The following ATF7IP variants were observed in gnomAD, a reference collection of about 807,000 sequenced individuals.
The protein encoded by ATF7IP is activating transcription factor 7-interacting protein 1.
Under a neutral mutation model 106.4 loss-of-function variants are expected in ATF7IP, and 23 were observed. That is an observed-to-expected ratio of 0.22 (90% CI 0.16 to 0.31). The LOEUF is 0.31. Among genes scored for constraint, ATF7IP ranks in the 10% least tolerant of loss-of-function variants. The pLI is 1.00. For missense variants in ATF7IP, 1,334 were observed against 1,524.3 expected (o/e 0.88, Z 2.08); for synonymous variants, 542 against 539.0 (o/e 1.01, Z -0.08).
At chr12:14,434,069 TTAAG>T (rs761713753) in intron 2 of ATF7IP, among the ~76,000 whole-genome samples, 1 of 152,218 alleles carries the variant, frequency 6.6e-6, no homozygotes, top group Admixed American at 6.5e-5. Context: ...CAGAAAATTA[TTAAG>T]TAATTTTTTT....
At chr12:14,432,147 T>G (rs901752621) in intron 2 of ATF7IP, among the ~76,000 whole-genome samples, 3 of 152,136 alleles carry the variant, frequency 2.0e-5, no homozygotes, top group African/African-American at 7.2e-5. Flanking sequence ...GCAGGCCAGT[T>G]TATTCTGCTG....
At chr12:14,468,639 A>G (rs1179961086) in intron 10 of ATF7IP, among the ~76,000 whole-genome samples, 2 of 152,242 alleles carry the variant, frequency 1.3e-5, no homozygotes, top group African/African-American at 4.8e-5. Flanking sequence ...AAATGCGTAC[A>G]AGCAGTTTGA....
rs937492004 is a variant in ATF7IP, at chr12:14,480,911, T to G, written c.3098-92T>G. 6 of 1,131,118 alleles carry G rather than the reference T, an allele frequency of 5.3e-6. No homozygotes were observed. The African/African-American group carries it at 9.3e-5, about 18-fold the overall frequency. 70.1% of individuals were successfully genotyped at this position (1,131,118 alleles called of 1,614,324 possible). ...TTCTGTTTCTGTCTTTATTAGTTAA[T>G]TAGATTTTATGCAAAGATAACTGCC... On this transcript the variant is annotated intron_variant, in intron 12 of 14. Transcript: ENST00000261168.
At chr12:14,371,871 A>T (rs1359571971) in intron 1 of ATF7IP, among the ~76,000 whole-genome samples, 1 of 152,066 alleles carries the variant, frequency 6.6e-6, no homozygotes, top group East Asian at 1.9e-4. Context: ...TTGGCTGCAT[A>T]CCTTGTTTTT....
chr12:14,382,007 T>C (rs1939023284), intron 1 of ATF7IP, among the ~76,000 whole-genome samples: 1 of 152,150 alleles, frequency 6.6e-6, no homozygotes, highest in African/African-American at 2.4e-5. Flanking sequence ...GAATGCAGCC[T>C]GGGCAACATA....
At chr12:14,404,146 T>C (rs79563029) in intron 1 of ATF7IP, among the ~76,000 whole-genome samples, 2 of 146,392 alleles carry the variant, frequency 1.4e-5, no homozygotes, top group Non-Finnish European at 3.0e-5. Context: ...TTTTTTTTTT[T>C]CCAGTGCTAA....
At chr12:14,496,934 A>G (rs899491206) in intron 14 of ATF7IP, among the ~76,000 whole-genome samples, 3 of 152,208 alleles carry the variant, frequency 2.0e-5, no homozygotes, top group Non-Finnish European at 4.4e-5. Flanking sequence ...AGTTAGAGTC[A>G]TGTTTTTTCA....
chr12:14,381,254 C>G (rs1413894717), intron 1 of ATF7IP, among the ~76,000 whole-genome samples: 4 of 152,144 alleles, frequency 2.6e-5, no homozygotes, highest in African/African-American at 9.7e-5. Context: ...TTTTTTGAGA[C>G]AGAGTCTCAT....
intron 1 of ATF7IP, among the ~76,000 whole-genome samples, chr12:14,408,139 C>CAT (rs1555113751): frequency 6.6e-6 from 1 of 151,686 alleles, no homozygotes; most frequent in African/African-American, 2.4e-5. Flanking sequence ...CACACACACA[C>CAT]ACAAATATAT....
At chr12:14,455,138 G>A (rs114279499) in intron 6 of ATF7IP, among the ~76,000 whole-genome samples, 2,785 of 149,300 alleles carry the variant, frequency 0.019, 88 homozygotes, top group African/African-American at 0.065. Flanking sequence ...AGATGGTGCC[G>A]CAGGATGGTG....
rs766313842 is a variant in ATF7IP at position 14,424,807 on chromosome 12, G to A, written c.892G>A (p.Glu298Lys). The change falls in exon 2 of 15, where the codon GAA becomes AAA. Residue 298 changes from glutamate (E) to lysine (K), a missense_variant. Glu to Lys is a moderately conservative substitution (Grantham distance 56). This residue lies in a region of ATF7IP where 438 missense variants were observed against 405.3 expected (regional missense o/e 1.08). Transcript: ENST00000261168. ...TFEPKSVPVCEPVPEIDNIEP... is the reference protein window; with the variant it reads ...TFEPKSVPVCKPVPEIDNIEP... ...TGAACCAAAGTCTGTACCAGTTTGT[G>A]AACCAGTTCCTGAAATTGACAATAT... The A allele has an allele frequency of 1.2e-6, 2 of 1,614,040 alleles. No homozygotes were observed. Among genetic ancestry groups the A allele is most frequent in the South Asian group, 1.1e-5 (1 of 91,056 alleles).
At chr12:14,376,692 G>GT (rs1197332439) in intron 1 of ATF7IP, among the ~76,000 whole-genome samples, 1 of 152,156 alleles carries the variant, frequency 6.6e-6, no homozygotes, top group African/African-American at 2.4e-5. Flanking sequence ...AGTATTCCTG[G>GT]TTTTTTGGGA....
At chr12:14,474,524 C>A (rs1374756552) in intron 10 of ATF7IP, among the ~76,000 whole-genome samples, 1 of 151,858 alleles carries the variant, frequency 6.6e-6, no homozygotes, top group African/African-American at 2.4e-5. Context: ...CCTCAGCCTC[C>A]CGAGTAGCTG....
At chr12:14,410,781 T>C (rs1480834990) in intron 1 of ATF7IP, among the ~76,000 whole-genome samples, 1 of 152,042 alleles carries the variant, frequency 6.6e-6, no homozygotes, top group Non-Finnish European at 1.5e-5. Context: ...AAAAACATAG[T>C]ATATATAAGG....
At chr12:14,415,801 A>G (rs1342695111) in intron 1 of ATF7IP, among the ~76,000 whole-genome samples, 4 of 151,206 alleles carry the variant, frequency 2.6e-5, no homozygotes, top group South Asian at 4.2e-4. Flanking sequence ...CATAGCCTTT[A>G]TGTTATACTG....
At chr12:14,396,603 G>A (rs1328171186) in intron 1 of ATF7IP, among the ~76,000 whole-genome samples, 1 of 152,074 alleles carries the variant, frequency 6.6e-6, no homozygotes, top group Non-Finnish European at 1.5e-5. Flanking sequence ...CATGCTTCTT[G>A]GTGTGGAAGA....
intron 11 of ATF7IP, 77 bp downstream of exon 11, chr12:14,476,045 A>G: frequency 9.8e-7 from 1 of 1,017,846 alleles, no homozygotes. Context: ...TATTCTACAA[A>G]GACAGATGTT....
intron 6 of ATF7IP, among the ~76,000 whole-genome samples, chr12:14,455,536 A>G (rs926336898): frequency 2.0e-5 from 3 of 152,204 alleles, no homozygotes; most frequent in Admixed American, 6.5e-5. Context: ...TTAATATGTT[A>G]TTCTTACACT....
chr12:14,461,013 G>A lies in ATF7IP; in HGVS notation c.2677G>A (p.Gly893Ser), dbSNP rs777617129. ...CACAAGGACTTCTTTACCCACAGTG[G>A]GCCCATCAGGACTCTATAGTCCATC... ...QATRTSLPTV[G>S]PSGLYSPSTN... Residue 893 changes from glycine (G) to serine (S), a missense_variant, in exon 9 of 15, where the codon GGC (glycine) becomes AGC (serine). Transcript: ENST00000261168. The A allele has an allele frequency of 2.5e-6, 4 of 1,614,052 alleles. No homozygotes were observed. The highest frequency in any genetic ancestry group is 3.4e-6 in the Non-Finnish European group (4 of 1,180,014).
Sources: gnomAD v4.1 joint callset for allele counts (sites outside exome capture counted in the v4.1 genomes callset) on GRCh38, gnomAD v4.1.1 for gene constraint, gnomAD v4.1.1 regional missense constraint, MANE v1.5 for transcripts, NCBI Gene and HGNC (gene_info 2026-07-23, HGNC 2026-07-21) for gene names.